SYNE1: variants seen among roughly 807,000 people sequenced by gnomAD.
SYNE1 encodes nesprin-1.
A neutral mutation model predicts 1,111.0 loss-of-function variants in SYNE1; 616 were observed. That is an observed-to-expected ratio of 0.55 (90% CI 0.52 to 0.59). SYNE1 has a LOEUF of 0.59. Among genes scored for constraint, SYNE1 ranks in the 20% least tolerant of loss-of-function variants. SYNE1 has a pLI of 0.00. For missense variants in SYNE1, 10,006 were observed against 10,417.0 expected, an observed-to-expected ratio of 0.96 and a Z score of 1.72; for synonymous variants, 3,855 against 3,825.8, an observed-to-expected ratio of 1.01 and a Z score of -0.28.
chr6:152,209,968 A>C (rs1034729846), intron 124 of SYNE1, among the ~76,000 whole-genome samples: 1 of 152,134 alleles, frequency 6.6e-6, no homozygotes, highest in Non-Finnish European at 1.5e-5. Context: ...TTTCCCTACC[A>C]GGTAACCATC....
At chr6:152,229,665 C>T (rs2082314912) in intron 115 of SYNE1, among the ~76,000 whole-genome samples, 3 of 152,118 alleles carry the variant, frequency 2.0e-5, no homozygotes, top group Admixed American at 1.3e-4. Flanking sequence ...AATTAAACAT[C>T]TTAAGGACAT....
At position 152,318,118 on chromosome 6, in the gene SYNE1, A is replaced by G. The variant is rs2095781689; in HGVS notation, c.16535T>C (p.Ile5512Thr). ...GKLTELHQQT[I>T]RQAENRLSKL... ...GGAGAGCCGATTCTCAGCTTGTCTA[A>G]TGGTCTGCTGGTGAAGTTCAGTCAG... Residue 5512 changes from isoleucine (I) to threonine (T), a missense_variant, in exon 86 of 146, where the codon ATT becomes ACT. Coordinates refer to ENST00000367255, the MANE Select transcript of SYNE1 (RefSeq NM_182961.4). The G allele has an allele frequency of 1.2e-6, 2 of 1,614,074 alleles. No individual in the cohort carries two copies. Among genetic ancestry groups the G allele is most frequent in the Non-Finnish European group, 1.7e-6 (2 of 1,180,050 alleles).
intron 82 of SYNE1, 140 bp from the exon 83 acceptor site, chr6:152,322,026 T>A: frequency 1.2e-6 from 1 of 809,086 alleles, no homozygotes; most frequent in Non-Finnish European, 2.0e-6. Flanking sequence ...TCAACACTGT[T>A]AAATAACACT....
rs767563434 is a variant in SYNE1, at chr6:152,416,406, G to A, written c.6031C>T (p.Arg2011Cys). ...TDKERLKEPTRQALQQRLRVF... is the reference protein window; with the variant it reads ...TDKERLKEPTCQALQQRLRVF... ...ATTTACCTCTGCTGAAGAGCTTGGC[G>A]GGTAGGTTCTTTCAATCGCTCTTTG... Residue 2011 changes from arginine to cysteine, a missense_variant, in exon 41 of 146, where the codon CGC becomes TGC. Physicochemically the swap from Arg to Cys is radical, Grantham distance 180. Around this residue, in one of 7 missense-constraint regions of SYNE1, gnomAD observed 4,955 missense variants for 5,017.2 expected, o/e 0.99. Transcript: ENST00000367255. 9 of 1,614,070 alleles carry A rather than the reference G, an allele frequency of 5.6e-6. No homozygotes were observed. The highest frequency in any genetic ancestry group is 1.1e-5 in the South Asian group (1 of 91,076).
chr6:152,599,157 A>G (rs2099590049), intron 3 of SYNE1, among the ~76,000 whole-genome samples: 1 of 152,226 alleles, frequency 6.6e-6, no homozygotes, highest in East Asian at 1.9e-4. Flanking sequence ...TATTAAAAAC[A>G]CTAAATCCAG....
chr6:152,321,341 G>GC lies in SYNE1; in HGVS notation c.16132dup (p.Ala5378GlyfsTer18). 3 of 1,613,780 alleles carry GC rather than the reference G, an allele frequency of 1.9e-6. No individual in the cohort carries two copies. Among genetic ancestry groups the GC allele is most frequent in the Non-Finnish European group, 1.7e-6 (2 of 1,179,878 alleles). On this transcript the variant is annotated frameshift_variant, in exon 84 of 146. Transcript: ENST00000367255. LOFTEE classifies it high-confidence loss of function. Reference sequence around the variant, plus strand: ...TAAGTACTTCTCCTTCTGTTCTTCTGCCATTTTTTCAATGTTCTGTCGGTG... The same window carrying GC: ...TAAGTACTTCTCCTTCTGTTCTTCTGCCCATTTTTTCAATGTTCTGTCGGTG...
intron 131 of SYNE1, among the ~76,000 whole-genome samples, chr6:152,161,241 A>G (rs1018292488): frequency 3.4e-5 from 5 of 147,804 alleles, no homozygotes; most frequent in Non-Finnish European, 7.4e-5. Flanking sequence ...TACATTATTT[A>G]TTTCATAATA....
intron 108 of SYNE1, among the ~76,000 whole-genome samples, chr6:152,237,239 A>G (rs1027501531): frequency 1.3e-5 from 2 of 151,698 alleles, no homozygotes; most frequent in African/African-American, 4.8e-5. Context: ...GGATAATAAT[A>G]GCTATCTTCT....
At chr6:152,625,130 T>C (rs2099683280) in intron 3 of SYNE1, among the ~76,000 whole-genome samples, 3 of 152,244 alleles carry the variant, frequency 2.0e-5, no homozygotes, top group South Asian at 4.1e-4. Context: ...AATGGAAATT[T>C]ACTTTTCCTC....
At chr6:152,161,053 T>A (rs2062385072) in intron 131 of SYNE1, among the ~76,000 whole-genome samples, 2 of 151,048 alleles carry the variant, frequency 1.3e-5, no homozygotes, top group African/African-American at 4.9e-5. Context: ...AATATAGACA[T>A]AAACATAATA....
intron 127 of SYNE1, among the ~76,000 whole-genome samples, chr6:152,197,838 A>G (rs1285355776): frequency 6.6e-6 from 1 of 152,198 alleles, no homozygotes; most frequent in East Asian, 1.9e-4. Context: ...ACTTTAAGTC[A>G]CCAGCTCCAT....
At chr6:152,391,828 T>C (rs2097646400) in intron 51 of SYNE1, among the ~76,000 whole-genome samples, 1 of 152,200 alleles carries the variant, frequency 6.6e-6, no homozygotes, top group South Asian at 2.1e-4. Context: ...TGGAGCCTAC[T>C]GTATTACTTA....
At chr6:152,132,063 C>T in intron 144 of SYNE1, 59 bp downstream of exon 144, 2 of 1,504,300 alleles carry the variant, frequency 1.3e-6, no homozygotes. Flanking sequence ...GGTGCAAATA[C>T]TGTCACTTCC....
chr6:152,523,852 G>T (rs2099151890), intron 5 of SYNE1, among the ~76,000 whole-genome samples: 1 of 151,990 alleles, frequency 6.6e-6, no homozygotes, highest in Non-Finnish European at 1.5e-5. Flanking sequence ...TTCTCGGCTT[G>T]GTGGCTGTTG....
At chr6:152,441,413 T>C (rs2098529066) in intron 31 of SYNE1, 143 bp from the exon 32 acceptor site, 2 of 862,236 alleles carry the variant, frequency 2.3e-6, no homozygotes, top group South Asian at 1.7e-5. Context: ...ATGATTCTAG[T>C]ATCTTCTGTA....
intron 21 of SYNE1, among the ~76,000 whole-genome samples, chr6:152,460,402 G>A (rs1053967821): frequency 6.6e-6 from 1 of 151,754 alleles, no homozygotes; most frequent in Non-Finnish European, 1.5e-5. Context: ...TCTTTTTTAT[G>A]GTCATGATTT....
At chr6:152,378,652 T>A (rs962737947) in intron 56 of SYNE1, among the ~76,000 whole-genome samples, 7 of 152,206 alleles carry the variant, frequency 4.6e-5, no homozygotes, top group Non-Finnish European at 8.8e-5. Context: ...TGATCCTGCA[T>A]CTTGATGCTG....
chr6:152,395,935 T>C (rs982339649), intron 50 of SYNE1, among the ~76,000 whole-genome samples: 1 of 152,190 alleles, frequency 6.6e-6, no homozygotes, highest in Non-Finnish European at 1.5e-5. Flanking sequence ...TAGCTGGTAA[T>C]TGCCAACAAG....
At chr6:152,545,722 A>G (rs2099309148) in intron 3 of SYNE1, among the ~76,000 whole-genome samples, 1 of 152,216 alleles carries the variant, frequency 6.6e-6, no homozygotes, top group Non-Finnish European at 1.5e-5. Flanking sequence ...AGCTTGCAAT[A>G]GGTTATGATA....
Sources: gnomAD v4.1 joint callset for allele counts (sites outside exome capture counted in the v4.1 genomes callset) on GRCh38, gnomAD v4.1.1 for gene constraint, gnomAD v4.1.1 regional missense constraint, MANE v1.5 for transcripts, NCBI Gene and HGNC (gene_info 2026-07-23, HGNC 2026-07-21) for gene names.